Variants in ARFGEF1 observed in about 807,000 individuals in gnomAD.
ARFGEF1 encodes the protein brefeldin A-inhibited guanine nucleotide-exchange protein 1.
ARFGEF1 carries 42 observed loss-of-function variants against 231.0 expected under a neutral mutation model. The observed-to-expected ratio is 0.18, with a 90% confidence interval of 0.14 to 0.24. The LOEUF is 0.24. Ranked by LOEUF, ARFGEF1 falls within the 10% of genes least tolerant of loss-of-function variation. The pLI is 1.00. For synonymous variants in ARFGEF1, 710 were observed against 732.3 expected (o/e 0.97, Z 0.49); for missense variants, 1,345 against 2,192.0 (o/e 0.61, Z 7.72).
At chr8:67,242,127 A>C (rs1347659608) in intron 19 of ARFGEF1, among the ~76,000 whole-genome samples, 2 of 152,174 alleles carry the variant, frequency 1.3e-5, no homozygotes, top group Admixed American at 6.5e-5. Context: ...AATAAACCTG[A>C]AAGTCAGTCT....
chr8:67,267,090 C>T lies in ARFGEF1; in HGVS notation c.1812+1G>A. ...TTTGAAAATGTTTTTATAGTTCTTA[C>T]CTGAACATTACTCATACCAAGTTCT... On this transcript the variant is annotated splice_donor_variant, in intron 12 of 38. Coordinates refer to ENST00000262215, the MANE Select transcript of ARFGEF1 (RefSeq NM_006421.5). LOFTEE classifies it high-confidence loss of function. The T allele has an allele frequency of 6.2e-7, 1 of 1,612,586 alleles. No individual in the cohort carries two copies. Among genetic ancestry groups the T allele is most frequent in the Non-Finnish European group, 8.5e-7 (1 of 1,179,538 alleles).
At chr8:67,242,194 G>C (rs576045709) in intron 19 of ARFGEF1, among the ~76,000 whole-genome samples, 61 of 152,322 alleles carry the variant, frequency 4.0e-4, no homozygotes, top group South Asian at 1.0e-3. Context: ...CTTGGAGGCA[G>C]TGGACGTGGA....
intron 14 of ARFGEF1, among the ~76,000 whole-genome samples, chr8:67,262,766 AG>A (rs1158203070): frequency 2.0e-5 from 3 of 152,240 alleles, no homozygotes; most frequent in Non-Finnish European, 4.4e-5. Flanking sequence ...TTGAAAGCTC[AG>A]ATGGTTACTA....
intron 7 of ARFGEF1, among the ~76,000 whole-genome samples, chr8:67,282,052 TTAA>T (rs1167952406): frequency 2.6e-5 from 4 of 152,110 alleles, no homozygotes; most frequent in Non-Finnish European, 4.4e-5. Flanking sequence ...ATTTTTGAAC[TTAA>T]TAAAGTGGTT....
At position 67,277,277 on chromosome 8, in the gene ARFGEF1, T is replaced by G. The variant is rs1172149293; in HGVS notation, c.1203+5A>C. On this transcript the variant is annotated splice_donor_5th_base_variant and intron_variant, in intron 8 of 38. Transcript: ENST00000262215. ...TTCTCCCCCTCCCCACCCCTCCATT[T>G]ATACCTGAGTATCATTGGAAGAGAC... is the stretch of plus-strand genomic sequence containing the variant. 1 of 1,613,200 alleles carries G rather than the reference T, an allele frequency of 6.2e-7. No individual in the cohort carries two copies. Among genetic ancestry groups the G allele is most frequent in the Non-Finnish European group, 8.5e-7 (1 of 1,179,378 alleles).
intron 1 of ARFGEF1, among the ~76,000 whole-genome samples, chr8:67,303,045 T>A (rs570782443): frequency 6.6e-6 from 1 of 150,896 alleles, no homozygotes; most frequent in Non-Finnish European, 1.5e-5. Context: ...CAGTGAGCTA[T>A]AACCACTAGA....
intron 7 of ARFGEF1, among the ~76,000 whole-genome samples, chr8:67,278,082 G>A (rs1805385406): frequency 6.6e-6 from 1 of 152,054 alleles, no homozygotes; most frequent in Non-Finnish European, 1.5e-5. Flanking sequence ...AATATAAACA[G>A]AAACAAGTGA....
chr8:67,304,505 C>A (rs1370238984), intron 1 of ARFGEF1, among the ~76,000 whole-genome samples: 1 of 152,208 alleles, frequency 6.6e-6, no homozygotes, highest in African/African-American at 2.4e-5. Context: ...CCAACAGATA[C>A]AATCAAAAAT....
intron 5 of ARFGEF1, among the ~76,000 whole-genome samples, chr8:67,184,004 C>T (rs1024221864): frequency 7.9e-5 from 12 of 152,038 alleles, no homozygotes; most frequent in Middle Eastern, 3.2e-3. Flanking sequence ...AGGCGCCTGC[C>T]ACCACGCCTG....
intron 5 of ARFGEF1, among the ~76,000 whole-genome samples, chr8:67,178,322 G>GAGGGGGGTACTTTTT (rs1246799677): frequency 3.9e-5 from 6 of 152,160 alleles, no homozygotes; most frequent in Non-Finnish European, 8.8e-5. Context: ...CCTGTATCCT[G>GAGGGGGGTACTTTTT]AGGGGGGTAC....
At chr8:67,231,471 A>G (rs1839550703) in intron 23 of ARFGEF1, among the ~76,000 whole-genome samples, 1 of 152,130 alleles carries the variant, frequency 6.6e-6, no homozygotes, top group African/African-American at 2.4e-5. Context: ...AATGAGTAAC[A>G]TGTCCCTCTG....
chr8:67,276,514 T>G (rs1349425057), intron 8 of ARFGEF1, among the ~76,000 whole-genome samples: 1 of 152,006 alleles, frequency 6.6e-6, no homozygotes, highest in Non-Finnish European at 1.5e-5. Context: ...TGGGCAAATA[T>G]AAACTGAAGG....
At chr8:67,179,343 C>A (rs1385020903) in intron 5 of ARFGEF1, among the ~76,000 whole-genome samples, 1 of 152,066 alleles carries the variant, frequency 6.6e-6, no homozygotes, top group Non-Finnish European at 1.5e-5. Context: ...TGAGAGTATA[C>A]CCCTCTCTCT....
At chr8:67,238,986 A>ATT in intron 20 of ARFGEF1, 93 bp from the exon 21 acceptor site, 9 of 883,224 alleles carry the variant, frequency 1.0e-5, no homozygotes, top group Middle Eastern at 2.5e-4. Context: ...GTTCAGTAAG[A>ATT]TTTTGTTTTT....
chr8:67,201,121 C>T (rs1485714385), intron 37 of ARFGEF1, among the ~76,000 whole-genome samples: 1 of 152,082 alleles, frequency 6.6e-6, no homozygotes, highest in Admixed American at 6.6e-5. Context: ...AGAAAAACTC[C>T]AAATATTTTT....
At chr8:67,243,969 G>A (rs1840013163) in intron 19 of ARFGEF1, among the ~76,000 whole-genome samples, 1 of 151,988 alleles carries the variant, frequency 6.6e-6, no homozygotes, top group Admixed American at 6.6e-5. Context: ...GCCAGGCGTG[G>A]TGGCTCACGC....
intron 7 of ARFGEF1, among the ~76,000 whole-genome samples, chr8:67,282,775 T>A (rs747069701): frequency 6.7e-6 from 1 of 149,950 alleles, no homozygotes; most frequent in Non-Finnish European, 1.5e-5. Context: ...TTGAACCCGA[T>A]AGGCAGAGTT....
chr8:67,275,919 C>T (rs1405503647), intron 9 of ARFGEF1, 57 bp downstream of exon 9: 1 of 1,596,846 alleles, frequency 6.3e-7, no homozygotes, highest in African/African-American at 1.4e-5. Context: ...ATTACCTTAA[C>T]AGTAAGTTTC....
In ARFGEF1 at chr8:67,288,010, CT is replaced by C; in HGVS notation, c.971del (p.Lys324SerfsTer10). The stretch of plus-strand genomic sequence containing the variant: ...CAATGTTCTGTACAATGTCTTGTGG[CT>C]TTTCCTCACAATCATGGTTTTCTCC... ...YDGENHDCEEKPQDIVQNIVE... is the reference protein window; with the variant it reads ...YDGENHDCEEXPQDIVQNIVE... On this transcript the variant is annotated frameshift_variant, in exon 7 of 39. Coordinates refer to ENST00000262215, the MANE Select transcript of ARFGEF1 (RefSeq NM_006421.5). LOFTEE classifies it high-confidence loss of function. 6.2e-7 allele frequency: 1 copy of C among 1,608,794 alleles called. No individual in the cohort carries two copies. The highest frequency in any genetic ancestry group is 8.5e-7 in the Non-Finnish European group (1 of 1,178,420).
Sources: allele counts gnomAD v4.1 joint callset (sites outside exome capture counted in the v4.1 genomes callset), GRCh38; gene constraint gnomAD v4.1.1; transcripts MANE v1.5; gene names NCBI Gene and HGNC (gene_info 2026-07-23, HGNC 2026-07-21).